Variants in FBXL18 observed in about 807,000 individuals in gnomAD.
FBXL18 encodes F-box/LRR-repeat protein 18.
Under a neutral mutation model 46.0 loss-of-function variants are expected in FBXL18, and 36 were observed. The ratio of observed to expected loss-of-function variants is 0.78; its 90% CI spans 0.60 to 1.03. The LOEUF (loss-of-function observed/expected upper bound fraction) is 1.03. FBXL18 is among the 50% of genes least tolerant of loss of function. The pLI is 0.00. For synonymous variants in FBXL18, 557 were observed against 465.3 expected, an observed-to-expected ratio of 1.20 and a Z score of -2.54; for missense variants, 977 against 1,004.1, an observed-to-expected ratio of 0.97 and a Z score of 0.36.
chr7:5,483,119 A>T, intron 4 of FBXL18, among the ~76,000 whole-genome samples: 1 of 152,052 alleles, frequency 6.6e-6, no homozygotes. Context: ...GCAGAAGGAA[A>T]AACATAGCAG....
intron 2 of FBXL18, 53 bp from the exon 3 acceptor site, chr7:5,502,084 C>A: frequency 7.4e-7 from 1 of 1,348,706 alleles, no homozygotes. Context: ...AAGGCACCTA[C>A]GGGTCTCCAA....
chr7:5,495,990 A>G (rs1784069470), intron 3 of FBXL18: 1 of 436,902 alleles, frequency 2.3e-6, no homozygotes, highest in Admixed American at 2.5e-5. Flanking sequence ...CAAAACCCAC[A>G]GAACCCGCAG....
intron 1 of FBXL18, 39 bp from the exon 2 acceptor site, chr7:5,505,669 A>C: frequency 3.8e-6 from 6 of 1,566,576 alleles, no homozygotes; most frequent in Non-Finnish European, 4.4e-6. Flanking sequence ...AGGATCCCCA[A>C]GGATGGCTGT....
In FBXL18 at chr7:5,481,742, G is replaced by A. The variant is rs2128233841; in HGVS notation, c.*33C>T. 19 of 1,610,910 alleles carry A rather than the reference G, an allele frequency of 1.2e-5. No individual in the cohort carries two copies. The highest frequency in any genetic ancestry group is 8.0e-5 in the African/African-American group (6 of 75,002). Reference sequence around the variant, plus strand: ...TCCCAGGCTCCTGCAGCTTCTCGAGGTGACTGAGACCGATGGGCGGCGGCT... The same window carrying A: ...TCCCAGGCTCCTGCAGCTTCTCGAGATGACTGAGACCGATGGGCGGCGGCT... On this transcript the variant is annotated 3_prime_UTR_variant, in exon 5 of 5. Transcript: ENST00000382368.
At position 5,489,887 on chromosome 7, in the gene FBXL18, G is replaced by C. The variant is rs1048852140; in HGVS notation, c.2000+1344C>G. 2.6e-5 allele frequency: 22 copies of C among 836,026 alleles called. No individual in the cohort carries two copies. The African/African-American group carries it at 3.2e-4, about 12-fold the overall frequency. 51.8% of individuals were successfully genotyped at this position (836,026 alleles called of 1,614,324 possible). ...TGCAACCCAGAAAGCAGAGGTTGCA[G>C]TGAGCTGAGATCCCGCCACTGCACT... is the stretch of plus-strand genomic sequence containing the variant. On this transcript the variant is annotated intron_variant, in intron 4 of 4. Coordinates refer to ENST00000382368, the MANE Select transcript of FBXL18 (RefSeq NM_024963.6).
intron 3 of FBXL18, among the ~76,000 whole-genome samples, chr7:5,498,080 C>CTTTTTTT (rs767982897): frequency 1.4e-5 from 2 of 139,038 alleles, no homozygotes; most frequent in African/African-American, 2.7e-5. Flanking sequence ...TTTCTTTTTA[C>CTTTTTTT]TTTTTTTTTT....
chr7:5,482,968 G>A (rs1184470791), intron 4 of FBXL18, among the ~76,000 whole-genome samples: 1 of 151,668 alleles, frequency 6.6e-6, no homozygotes, highest in African/African-American at 2.4e-5. Flanking sequence ...AGCCCAGGAG[G>A]TAGAGGCGGC....
chr7:5,463,694 C>CTCTATATATATATATA (rs1554316167), intron 4 of FBXL18, among the ~76,000 whole-genome samples: 2 of 61,502 alleles, frequency 3.3e-5, no homozygotes, highest in African/African-American at 1.6e-4. Context: ...TGCCCCTGAA[C>CTCTATATATATATATA]TATATATATA....
chr7:5,505,701 A>G lies in FBXL18; in HGVS notation c.19-71T>C, dbSNP rs1242216887. The G allele has an allele frequency of 4.3e-6, 5 of 1,162,626 alleles. No individual in the cohort carries two copies. In the Admixed American group the frequency reaches 5.5e-5, roughly 13 times the overall value. The allele number at this position is 1,162,626 out of a possible 1,614,324, so 72.0% of individuals were successfully genotyped here. Reference sequence around the variant, plus strand: ...CTGTCAGCCTAGCCTGCAGCTAGGCAGAGAAGCAAAGAGAAGCCCTTATCC... The same window carrying G: ...CTGTCAGCCTAGCCTGCAGCTAGGCGGAGAAGCAAAGAGAAGCCCTTATCC... On this transcript the variant is annotated intron_variant, in intron 1 of 4. Transcript: ENST00000382368.
intron 4 of FBXL18, among the ~76,000 whole-genome samples, chr7:5,490,754 C>T (rs189949266): frequency 3.8e-4 from 58 of 152,290 alleles, no homozygotes; most frequent in African/African-American, 1.3e-3. Context: ...CACCTGAGGT[C>T]GGGAGTTCGA....
chr7:5,463,797 G>T (rs1172846489), intron 4 of FBXL18, among the ~76,000 whole-genome samples: 1 of 138,296 alleles, frequency 7.2e-6, no homozygotes, highest in Non-Finnish European at 1.5e-5. Flanking sequence ...CTTGAGTGCA[G>T]TAGTGCAGTC....
intron 4 of FBXL18, among the ~76,000 whole-genome samples, chr7:5,484,628 C>A (rs1386735902): frequency 6.8e-6 from 1 of 146,840 alleles, no homozygotes; most frequent in Non-Finnish European, 1.5e-5. Flanking sequence ...CATCACCACA[C>A]TGACCAGCTA....
At chr7:5,495,158 C>A (rs1784043697) in intron 3 of FBXL18, among the ~76,000 whole-genome samples, 2 of 152,188 alleles carry the variant, frequency 1.3e-5, no homozygotes, top group Admixed American at 6.5e-5. Flanking sequence ...GAGTGAGGAT[C>A]CAGCCTCCCC....
At chr7:5,461,227 A>G (rs574487792) in intron 4 of FBXL18, among the ~76,000 whole-genome samples, 2 of 152,278 alleles carry the variant, frequency 1.3e-5, no homozygotes, top group South Asian at 2.1e-4. Flanking sequence ...TTGAGCACCT[A>G]CTATGTGCTG....
At chr7:5,454,839 C>A (rs1416366332) in intron 4 of FBXL18, among the ~76,000 whole-genome samples, 2 of 152,244 alleles carry the variant, frequency 1.3e-5, no homozygotes, top group South Asian at 2.1e-4. Flanking sequence ...GCCTCCCCCA[C>A]TGCCCATCAG....
At chr7:5,468,158 T>C (rs969987095) in intron 4 of FBXL18, among the ~76,000 whole-genome samples, 1 of 152,160 alleles carries the variant, frequency 6.6e-6, no homozygotes, top group African/African-American at 2.4e-5. Context: ...AATTTTTCTG[T>C]ATTTTTAGTA....
intron 4 of FBXL18, among the ~76,000 whole-genome samples, chr7:5,468,308 G>A (rs1174883497): frequency 6.6e-6 from 1 of 152,064 alleles, no homozygotes; most frequent in Non-Finnish European, 1.5e-5. Flanking sequence ...TAGTAGAAAC[G>A]GGATTTCACT....
rs965943257 is a variant in FBXL18, at chr7:5,502,101, G to A, written c.238-70C>T. ...GGCACCTACGGGTCTCCAACCCTCA[G>A]TGCGCACACTCCCCCTTGCAGCAGC... On this transcript the variant is annotated intron_variant, in intron 2 of 4. Coordinates refer to ENST00000382368, the MANE Select transcript of FBXL18 (RefSeq NM_024963.6). 9 of 1,075,696 alleles carry A rather than the reference G, an allele frequency of 8.4e-6. No homozygotes were observed. In the African/African-American group the frequency reaches 1.4e-4, roughly 17 times the overall value. The allele number at this position is 1,075,696 out of a possible 1,614,324, so 66.6% of individuals were successfully genotyped here. A position where few individuals can be genotyped will look rare whatever the true frequency, so the allele number is the denominator to read the frequency against.
At chr7:5,498,071 T>C (rs941010535) in intron 3 of FBXL18, among the ~76,000 whole-genome samples, 10 of 151,758 alleles carry the variant, frequency 6.6e-5, no homozygotes, top group African/African-American at 2.4e-4. Context: ...TTTTTCTTTT[T>C]TCTTTTTACT....
Sources: gnomAD v4.1 joint callset for allele counts (sites outside exome capture counted in the v4.1 genomes callset) on GRCh38, gnomAD v4.1.1 for gene constraint, MANE v1.5 for transcripts, NCBI Gene and HGNC (gene_info 2026-07-23, HGNC 2026-07-21) for gene names.